The following KCNH8 variants were observed in gnomAD, a reference collection of about 807,000 sequenced individuals.
KCNH8 encodes potassium voltage-gated channel subfamily H member 8, also known as voltage-gated delayed rectifier potassium channel KCNH8.
In KCNH8, 70 loss-of-function variants were observed where a neutral mutation model predicts 103.6. That is an observed-to-expected ratio of 0.68 (90% CI 0.56 to 0.82). The LOEUF is 0.82. KCNH8 is among the 40% of genes least tolerant of loss of function. The probability of loss-of-function intolerance (pLI) is 0.00; values close to 1 mark genes in which losing one functional copy is unlikely to be tolerated. For synonymous variants in KCNH8, 498 were observed against 489.4 expected (o/e 1.02, Z -0.23); for missense variants, 1,217 against 1,329.9 (o/e 0.92, Z 1.32).
chr3:19,434,916 A>C (rs2067175621), intron 7 of KCNH8, among the ~76,000 whole-genome samples: 1 of 152,156 alleles, frequency 6.6e-6, no homozygotes, highest in Admixed American at 6.6e-5. Flanking sequence ...AGCACAATTT[A>C]AAATGATAAT....
chr3:19,353,838 C>G (rs1318366656), intron 5 of KCNH8, among the ~76,000 whole-genome samples: 1 of 152,130 alleles, frequency 6.6e-6, no homozygotes, highest in Admixed American at 6.6e-5. Context: ...CAAGGATGCC[C>G]TCTCTCACCA....
chr3:19,464,173 A>G, intron 11 of KCNH8, among the ~76,000 whole-genome samples: 1 of 152,148 alleles, frequency 6.6e-6, no homozygotes, highest in East Asian at 1.9e-4. Flanking sequence ...CAGTAATTCA[A>G]CCAAAGAGGT....
intron 11 of KCNH8, among the ~76,000 whole-genome samples, chr3:19,467,281 G>A (rs542984640): frequency 2.8e-4 from 41 of 147,148 alleles, no homozygotes; most frequent in South Asian, 1.3e-3. Context: ...GTCTCCTTTC[G>A]CAGATTCATG....
intron 1 of KCNH8, among the ~76,000 whole-genome samples, chr3:19,206,254 GAT>G (rs148573992): frequency 7.7e-6 from 1 of 130,496 alleles, no homozygotes. Flanking sequence ...GATATATATA[GAT>G]ATATATATAT....
chr3:19,152,614 A>AT (rs1362967846), intron 1 of KCNH8, among the ~76,000 whole-genome samples: 1 of 152,222 alleles, frequency 6.6e-6, no homozygotes, highest in African/African-American at 2.4e-5. Context: ...ACTTCTATAT[A>AT]GCCTGTTTGA....
intron 7 of KCNH8, among the ~76,000 whole-genome samples, chr3:19,420,623 G>A (rs575267372): frequency 6.6e-6 from 1 of 152,190 alleles, no homozygotes; most frequent in Non-Finnish European, 1.5e-5. Context: ...CCACTCAGGA[G>A]TAATCCATAA....
At chr3:19,250,038 A>G (rs1454466705) in intron 1 of KCNH8, among the ~76,000 whole-genome samples, 1 of 152,206 alleles carries the variant, frequency 6.6e-6, no homozygotes, top group Non-Finnish European at 1.5e-5. Context: ...ATTCAAGACC[A>G]GGCTACGCAA....
rs147496064 is a variant in KCNH8 at position 19,320,918 on chromosome 3, A to G, written c.443-21669A>G. On this transcript the variant is annotated intron_variant, in intron 3 of 15. Coordinates refer to ENST00000328405, the MANE Select transcript of KCNH8 (RefSeq NM_144633.3). ...TCCTGGTTTAATCTACGAGGGTTGC[A>G]TATTTCCAGGAATTTATTCATCTCC... Among the ~76,000 whole-genome samples the G allele has an allele frequency of 9.8e-4, 149 of 151,888 alleles. 1 individual carries two copies. Among genetic ancestry groups the G allele is most frequent in the African/African-American group, 3.1e-3 (130 of 41,470 alleles).
chr3:19,308,726 CT>C (rs1455021279), intron 3 of KCNH8, among the ~76,000 whole-genome samples: 2,328 of 40,540 alleles, frequency 0.057, 614 homozygotes, highest in African/African-American at 0.074. Context: ...CTCCCCCTCT[CT>C]CCCTCTCTCC....
chr3:19,426,214 C>T (rs2067026507), intron 7 of KCNH8, among the ~76,000 whole-genome samples: 2 of 152,108 alleles, frequency 1.3e-5, no homozygotes, highest in South Asian at 4.2e-4. Context: ...TTGGACTTCC[C>T]TTTTCCCATT....
chr3:19,254,020 C>G, intron 2 of KCNH8, 133 bp downstream of exon 2: 2 of 642,986 alleles, frequency 3.1e-6, no homozygotes, highest in South Asian at 1.9e-5. Context: ...AGAAGTTCCA[C>G]AAATGACTTG....
chr3:19,433,408 CAG>C (rs1328792747), intron 7 of KCNH8, among the ~76,000 whole-genome samples: 4 of 152,156 alleles, frequency 2.6e-5, no homozygotes, highest in African/African-American at 4.8e-5. Context: ...ACTTTTTACA[CAG>C]AGTTTTGCTT....
intron 7 of KCNH8, among the ~76,000 whole-genome samples, chr3:19,404,230 T>C (rs1434226070): frequency 1.3e-5 from 2 of 151,964 alleles, no homozygotes; most frequent in African/African-American, 4.8e-5. Flanking sequence ...GAGATAAATT[T>C]AGATTGGCAC....
chr3:19,296,202 A>G (rs2064995123), intron 3 of KCNH8, among the ~76,000 whole-genome samples: 1 of 152,224 alleles, frequency 6.6e-6, no homozygotes, highest in Non-Finnish European at 1.5e-5. Context: ...GTAATATTAT[A>G]TAGCATTTAA....
intron 11 of KCNH8, among the ~76,000 whole-genome samples, chr3:19,507,417 G>A (rs1195919439): frequency 6.6e-6 from 1 of 152,178 alleles, no homozygotes; most frequent in Non-Finnish European, 1.5e-5. Context: ...AGAGTGGGGG[G>A]CCTGGGCTCA....
intron 5 of KCNH8, among the ~76,000 whole-genome samples, chr3:19,373,193 C>T (rs913933498): frequency 1.4e-3 from 219 of 152,128 alleles, no homozygotes; most frequent in Non-Finnish European, 2.3e-3. Flanking sequence ...ATGGTACCAG[C>T]TCCTCCTTGT....
chr3:19,397,526 T>C (rs572965015), intron 7 of KCNH8, among the ~76,000 whole-genome samples: 8 of 148,802 alleles, frequency 5.4e-5, no homozygotes, highest in Non-Finnish European at 1.0e-4. Flanking sequence ...TATACGTGTG[T>C]ATATATACAC....
At chr3:19,308,536 A>G (rs1398833346) in intron 3 of KCNH8, among the ~76,000 whole-genome samples, 3 of 151,942 alleles carry the variant, frequency 2.0e-5, no homozygotes, top group African/African-American at 7.2e-5. Context: ...GAAATCCAGA[A>G]TGTCACACTA....
chr3:19,298,020 CTT>C (rs2065017482), intron 3 of KCNH8, among the ~76,000 whole-genome samples: 2 of 152,102 alleles, frequency 1.3e-5, no homozygotes, highest in South Asian at 4.1e-4. Flanking sequence ...GACTATCACT[CTT>C]ATGCAATTGT....
Sources: gnomAD v4.1 joint callset for allele counts (sites outside exome capture counted in the v4.1 genomes callset) on GRCh38, gnomAD v4.1.1 for gene constraint, MANE v1.5 for transcripts, NCBI Gene and HGNC (gene_info 2026-07-23, HGNC 2026-07-21) for gene names.